Variants in TENM4 observed in about 807,000 individuals in gnomAD.
The protein encoded by TENM4 is teneurin-4.
A neutral mutation model predicts 243.3 loss-of-function variants in TENM4; 82 were observed. The ratio of observed to expected loss-of-function variants is 0.34; its 90% CI spans 0.28 to 0.40. TENM4 has a LOEUF of 0.40. Ranked by LOEUF, TENM4 falls within the 10% of genes least tolerant of loss-of-function variation. The pLI, the probability that TENM4 is intolerant of heterozygous loss-of-function variation, is 1.00. For synonymous variants in TENM4, 1,412 were observed against 1,456.3 expected (o/e 0.97, Z 0.69); for missense variants, 3,138 against 3,673.3 (o/e 0.85, Z 3.77).
chr11:78,859,724 A>G (rs1206381600), intron 10 of TENM4, among the ~76,000 whole-genome samples: 1 of 152,228 alleles, frequency 6.6e-6, no homozygotes, highest in African/African-American at 2.4e-5. Context: ...CAACTGGTTG[A>G]AATTTATTTG....
intron 1 of TENM4, among the ~76,000 whole-genome samples, chr11:79,410,490 T>C (rs1248657779): frequency 6.6e-6 from 1 of 152,222 alleles, no homozygotes; most frequent in Non-Finnish European, 1.5e-5. Flanking sequence ...AAATGACCAC[T>C]TTGAAATGGC....
At chr11:78,768,157 A>G (rs1377270124) in intron 18 of TENM4, among the ~76,000 whole-genome samples, 5 of 152,214 alleles carry the variant, frequency 3.3e-5, no homozygotes, top group Non-Finnish European at 7.3e-5. Flanking sequence ...TGTTTCATCT[A>G]TGCCATCCTG....
At chr11:78,676,458 C>A in intron 29 of TENM4, 71 bp from the exon 30 acceptor site, 1 of 1,291,986 alleles carries the variant, frequency 7.7e-7, no homozygotes, top group South Asian at 1.8e-5. Context: ...ACAGCAGAGG[C>A]GGTGGAGGGG....
At chr11:79,374,366 C>A (rs189073462) in intron 1 of TENM4, among the ~76,000 whole-genome samples, 1 of 152,166 alleles carries the variant, frequency 6.6e-6, no homozygotes. Flanking sequence ...TTTGCACACA[C>A]CCACACATCG....
intron 4 of TENM4, among the ~76,000 whole-genome samples, chr11:79,137,916 G>A (rs775924000): frequency 5.9e-5 from 9 of 151,986 alleles, no homozygotes; most frequent in Non-Finnish European, 8.8e-5. Context: ...TTGACAAGGG[G>A]TGGACTTGTG....
At chr11:78,800,623 T>C (rs1489345105) in intron 15 of TENM4, among the ~76,000 whole-genome samples, 1 of 152,130 alleles carries the variant, frequency 6.6e-6, no homozygotes, top group Admixed American at 6.5e-5. Context: ...CTCTTTTTCT[T>C]TCTTTGACTA....
At chr11:78,959,678 C>G (rs1287188611) in intron 6 of TENM4, among the ~76,000 whole-genome samples, 2 of 151,982 alleles carry the variant, frequency 1.3e-5, no homozygotes, top group African/African-American at 2.4e-5. Context: ...GGAAGGGATC[C>G]AAAGTGACAA....
intron 1 of TENM4, among the ~76,000 whole-genome samples, chr11:79,374,554 A>ATG (rs1857852782): frequency 6.6e-6 from 1 of 151,556 alleles, no homozygotes; most frequent in African/African-American, 2.4e-5. Flanking sequence ...CTATATATCT[A>ATG]TATAGATATA....
intron 14 of TENM4, among the ~76,000 whole-genome samples, chr11:78,808,862 C>G (rs1416223213): frequency 1.3e-5 from 2 of 152,138 alleles, no homozygotes; most frequent in African/African-American, 4.8e-5. Context: ...CATGACCTGC[C>G]TCAGATCTTG....
At chr11:79,167,138 T>C (rs960428447) in intron 3 of TENM4, among the ~76,000 whole-genome samples, 1 of 152,028 alleles carries the variant, frequency 6.6e-6, no homozygotes, top group African/African-American at 2.4e-5. Flanking sequence ...TCTACAGAGT[T>C]ACCAAAGCCC....
At chr11:79,155,067 C>T (rs1423590779) in intron 3 of TENM4, among the ~76,000 whole-genome samples, 2 of 152,170 alleles carry the variant, frequency 1.3e-5, no homozygotes, top group Non-Finnish European at 2.9e-5. Context: ...CACTCAGGGC[C>T]CTTTCCTGTA....
chr11:79,278,933 G>A (rs984874081), intron 2 of TENM4, among the ~76,000 whole-genome samples: 1 of 152,206 alleles, frequency 6.6e-6, no homozygotes, highest in African/African-American at 2.4e-5. Flanking sequence ...TCACAGGCAC[G>A]GCCACGTGTC....
intron 6 of TENM4, among the ~76,000 whole-genome samples, chr11:78,912,863 C>A (rs759980952): frequency 1.3e-5 from 2 of 152,228 alleles, no homozygotes; most frequent in African/African-American, 4.8e-5. Context: ...ACTGGGCCAC[C>A]ATTTGAATCC....
chr11:79,019,989 C>T (rs1244863897), intron 6 of TENM4, among the ~76,000 whole-genome samples: 2 of 152,220 alleles, frequency 1.3e-5, no homozygotes, highest in African/African-American at 4.8e-5. Context: ...TTCTCAATAT[C>T]CCACCACCCT....
intron 6 of TENM4, among the ~76,000 whole-genome samples, chr11:78,949,136 C>T (rs1822417356): frequency 6.6e-6 from 1 of 152,228 alleles, no homozygotes; most frequent in South Asian, 2.1e-4. Context: ...GCTCCCCTCC[C>T]ATCTATCCTC....
chr11:78,919,454 G>T (rs1161036247), intron 6 of TENM4, among the ~76,000 whole-genome samples: 1 of 152,134 alleles, frequency 6.6e-6, no homozygotes, highest in Non-Finnish European at 1.5e-5. Context: ...CCTGGCTAGG[G>T]TGACTGATTC....
intron 1 of TENM4, among the ~76,000 whole-genome samples, chr11:79,392,843 C>T (rs1214096805): frequency 6.6e-6 from 1 of 152,212 alleles, no homozygotes; most frequent in African/African-American, 2.4e-5. Context: ...CCCTTTCTCT[C>T]CGTTTGACCA....
At chr11:79,383,997 C>A (rs1363926395) in intron 1 of TENM4, among the ~76,000 whole-genome samples, 2 of 152,050 alleles carry the variant, frequency 1.3e-5, no homozygotes, top group East Asian at 3.9e-4. Context: ...GATAACCTGC[C>A]CCCCCTTCCT....
Position 79,432,705 on chromosome 11 carries a change from T to G in TENM4, c.-321+7804A>C, listed in dbSNP as rs146681824. On this transcript the variant is annotated intron_variant, in intron 1 of 33. Coordinates refer to ENST00000278550, the MANE Select transcript of TENM4 (RefSeq NM_001098816.3). ...ATTGCTTGCATGATAATGATGCAAA[T>G]TTTTACATGTCTCGATCCACTTTCA... Among the ~76,000 whole-genome samples the G allele has an allele frequency of 2.6e-5, 4 of 152,334 alleles. No homozygotes were observed. In the East Asian group the frequency reaches 7.7e-4, roughly 29 times the overall value.
Sources: gnomAD v4.1 joint callset for allele counts (sites outside exome capture counted in the v4.1 genomes callset) on GRCh38, gnomAD v4.1.1 for gene constraint, MANE v1.5 for transcripts, NCBI Gene and HGNC (gene_info 2026-07-23, HGNC 2026-07-21) for gene names.